The following SACS variants were observed in gnomAD, a reference collection of about 807,000 sequenced individuals.
The protein encoded by SACS is sacsin.
SACS carries 197 observed loss-of-function variants against 348.0 expected under a neutral mutation model. The observed-to-expected ratio is 0.57, with a 90% CI of 0.50 to 0.64. The LOEUF (loss-of-function observed/expected upper bound fraction) is 0.64. Among genes scored for constraint, SACS ranks in the 30% least tolerant of loss-of-function variants. The pLI, the probability that SACS is intolerant of heterozygous loss-of-function variation, is 0.00. For synonymous variants in SACS, 1,985 were observed against 1,910.6 expected, an observed-to-expected ratio of 1.04 and a Z score of -1.02; for missense variants, 4,999 against 5,360.8, an observed-to-expected ratio of 0.93 and a Z score of 2.11.
chr13:23,397,039 G>A (rs1872736301), intron 2 of SACS, among the ~76,000 whole-genome samples: 1 of 152,040 alleles, frequency 6.6e-6, no homozygotes, highest in Admixed American at 6.6e-5. Context: ...CTATAAGACA[G>A]CATAATCCTA....
Position 23,337,255 on chromosome 13 carries a change from A to T in SACS, c.6621T>A (p.Ala2207=). Residue 2207 remains alanine, a synonymous_variant, in exon 10 of 10, where the codon GCT becomes GCA. Transcript: ENST00000382292. ...GGAAGCGGATTGTTTGATATTTTGC[A>T]GCAAAATCCTTTGCTCTAGGATCCC... ...KIRDPRAKDF[A]AKYQTIRFLP... is the part of the protein sequence containing the mutation. 6.2e-7 allele frequency: 1 copy of T among 1,613,974 alleles called. No individual in the cohort carries two copies. The highest frequency in any genetic ancestry group is 8.5e-7 in the Non-Finnish European group (1 of 1,179,932).
chr13:23,338,322 GA>G lies in SACS; in HGVS notation c.5553del (p.Gln1852SerfsTer12). ...LGLVPCGAVG[V>X]QLSEIQDQKW... Reference sequence around the variant, plus strand: ...TTCTGGTCCTGGATTTCTGACAGCTGAACTCCTACTGCCCCACATGGAACCA... The same window carrying G: ...TTCTGGTCCTGGATTTCTGACAGCTGACTCCTACTGCCCCACATGGAACCA... On this transcript the variant is annotated frameshift_variant, in exon 10 of 10. Coordinates refer to ENST00000382292, the MANE Select transcript of SACS (RefSeq NM_014363.6). LOFTEE classifies it high-confidence loss of function. 1 of 1,614,112 alleles carries G rather than the reference GA, an allele frequency of 6.2e-7. No individual in the cohort carries two copies. Among genetic ancestry groups the G allele is most frequent in the African/African-American group, 1.3e-5 (1 of 75,036 alleles).
intron 6 of SACS, among the ~76,000 whole-genome samples, chr13:23,361,230 C>T (rs1870717647): frequency 6.6e-6 from 1 of 152,192 alleles, no homozygotes; most frequent in Non-Finnish European, 1.5e-5. Context: ...ATACAGACAG[C>T]CCTCCTCAGT....
chr13:23,336,590 C>T lies in SACS; in HGVS notation c.7286G>A (p.Ser2429Asn). Residue 2429 changes from serine (S) to asparagine (N), a missense_variant, in exon 10 of 10, where the codon AGT becomes AAT. This residue lies in a region of SACS where 3,156 missense variants were observed against 3,380.1 expected (regional missense o/e 0.93). Transcript: ENST00000382292. The part of the protein sequence containing the change: ...ENFQLCRRII[S>N]EGIWSLIREK... ...TCTAATGAGACTCCATATTCCTTCA[C>T]TGATTATTCGTCGGCAAAGCTGAAA... is the stretch of plus-strand genomic sequence containing the variant. 1 of 1,613,678 alleles carries T rather than the reference C, an allele frequency of 6.2e-7. No homozygotes were observed. The highest frequency in any genetic ancestry group is 1.1e-5 in the South Asian group (1 of 91,058).
At chr13:23,431,850 T>C (rs1427000341) in intron 1 of SACS, among the ~76,000 whole-genome samples, 1 of 152,238 alleles carries the variant, frequency 6.6e-6, no homozygotes, top group Non-Finnish European at 1.5e-5. Flanking sequence ...AAAGTTCATT[T>C]CAAAATTTAT....
In SACS at chr13:23,336,803, T is replaced by A; in HGVS notation, c.7073A>T (p.Lys2358Met). Residue 2358 changes from lysine (K) to methionine (M), a missense_variant, in exon 10 of 10, where the codon AAG becomes ATG. Coordinates refer to ENST00000382292, the MANE Select transcript of SACS (RefSeq NM_014363.6). Reference sequence around the variant, plus strand: ...CTCAAAATTTAAATGAAAAGAAACCTTTTCTGAGTCAACATATGCATTCTC... The same window carrying A: ...CTCAAAATTTAAATGAAAAGAAACCATTTCTGAGTCAACATATGCATTCTC... ...LVENAYVDSE[K>M]VSFHLNFEAA... 1.2e-6 allele frequency: 2 copies of A among 1,613,810 alleles called. No homozygotes were observed. The highest frequency in any genetic ancestry group is 2.7e-5 in the African/African-American group (2 of 75,010).
rs1290550606 is a variant in SACS at position 23,394,151 on chromosome 13, CCT to C, written c.20+17067_20+17068del. Among the ~76,000 whole-genome samples, 11 of 152,222 alleles carry C rather than the reference CCT, an allele frequency of 7.2e-5. No homozygotes were observed. The East Asian group carries it at 2.1e-3, about 29-fold the overall frequency. The stretch of plus-strand genomic sequence containing the variant: ...ATGGGCTGGAACTTTCAGCCTCACC[CCT>C]GATCTCCAGGGAGAGGTGAGGTGCT... On this transcript the variant is annotated intron_variant, in intron 2 of 9. Transcript: ENST00000382292.
At chr13:23,350,450 A>AG (rs1450022566) in intron 9 of SACS, among the ~76,000 whole-genome samples, 1 of 152,262 alleles carries the variant, frequency 6.6e-6, no homozygotes, top group African/African-American at 2.4e-5. Context: ...TACAAGCAGT[A>AG]GCTCAATATT....
At chr13:23,388,701 G>C (rs1872407103) in intron 2 of SACS, among the ~76,000 whole-genome samples, 1 of 146,558 alleles carries the variant, frequency 6.8e-6, no homozygotes. Context: ...AGCATACAGA[G>C]TGGTACAGTG....
chr13:23,393,784 G>A (rs986114018), intron 2 of SACS, among the ~76,000 whole-genome samples: 4 of 150,986 alleles, frequency 2.6e-5, no homozygotes, highest in Non-Finnish European at 5.9e-5. Context: ...TTTTTGAGAC[G>A]GAGTCTCGCA....
At chr13:23,393,502 G>A (rs770708036) in intron 2 of SACS, among the ~76,000 whole-genome samples, 9 of 151,978 alleles carry the variant, frequency 5.9e-5, no homozygotes, top group African/African-American at 9.7e-5. Context: ...CCACCTGCTC[G>A]TCCCTGGCTG....
At chr13:23,412,472 G>T (rs1446354064) in intron 1 of SACS, among the ~76,000 whole-genome samples, 1 of 145,878 alleles carries the variant, frequency 6.9e-6, no homozygotes, top group African/African-American at 2.5e-5. Flanking sequence ...GGAGTGAAGT[G>T]GCATGATCTT....
At position 23,329,477 on chromosome 13, in the gene SACS, C is replaced by CAGGA. The variant is rs1566053030; in HGVS notation, c.*655_*658dup. 3.9e-6 allele frequency: 3 copies of CAGGA among 767,850 alleles called. No homozygotes were observed. Among genetic ancestry groups the CAGGA allele is most frequent in the Non-Finnish European group, 7.2e-6 (3 of 414,030 alleles). The allele number at this position is 767,850 out of a possible 1,614,324, so 47.6% of individuals were successfully genotyped here. ...GTTTTCCGTTGCTATCTTCATCAAA[C>CAGGA]AGGAAGCCTGTAAACATAAGATGTT... On this transcript the variant is annotated 3_prime_UTR_variant, in exon 10 of 10. Coordinates refer to ENST00000382292, the MANE Select transcript of SACS (RefSeq NM_014363.6).
intron 6 of SACS, among the ~76,000 whole-genome samples, chr13:23,361,264 A>G (rs942355026): frequency 6.6e-6 from 1 of 152,224 alleles, no homozygotes; most frequent in Admixed American, 6.5e-5. Flanking sequence ...AGTCGGGGGC[A>G]GGAAGAATCT....
rs751626159 is a variant in SACS at position 23,337,271 on chromosome 13, C to T, written c.6605G>A (p.Arg2202Lys). 28 of 1,613,576 alleles carry T rather than the reference C, an allele frequency of 1.7e-5. No individual in the cohort carries two copies. The South Asian group carries it at 3.0e-4, about 17-fold the overall frequency. The change falls in exon 10 of 10, where the codon AGA (arginine) becomes AAA (lysine). Residue 2202 changes from arginine (R) to lysine (K), a missense_variant. Physicochemically the swap from Arg to Lys is conservative, Grantham distance 26. Transcript: ENST00000382292. Reference sequence around the variant, plus strand: ...ATATTTTGCAGCAAAATCCTTTGCTCTAGGATCCCTTATTTTTAGTTTCTC... The same window carrying T: ...ATATTTTGCAGCAAAATCCTTTGCTTTAGGATCCCTTATTTTTAGTTTCTC... The part of the protein sequence containing the change: ...IDEKLKIRDP[R>K]AKDFAAKYQT...
At chr13:23,415,811 A>G (rs1011313406) in intron 1 of SACS, among the ~76,000 whole-genome samples, 1 of 152,212 alleles carries the variant, frequency 6.6e-6, no homozygotes, top group Admixed American at 6.6e-5. Flanking sequence ...AAATGAATAC[A>G]AAATGACTCA....
At chr13:23,394,995 C>A (rs984411064) in intron 2 of SACS, among the ~76,000 whole-genome samples, 2 of 152,184 alleles carry the variant, frequency 1.3e-5, no homozygotes, top group African/African-American at 2.4e-5. Flanking sequence ...TTCATGAGTC[C>A]AACTCCTAAG....
chr13:23,385,745 C>A (rs569043539), intron 2 of SACS, among the ~76,000 whole-genome samples: 2 of 152,190 alleles, frequency 1.3e-5, no homozygotes, highest in Non-Finnish European at 2.9e-5. Context: ...TCAGAGGAAT[C>A]ACTATCTATG....
In SACS at chr13:23,333,725, A is replaced by C; in HGVS notation, c.10151T>G (p.Phe3384Cys). 6.2e-7 allele frequency: 1 copy of C among 1,613,816 alleles called. No homozygotes were observed. The highest frequency in any genetic ancestry group is 8.5e-7 in the Non-Finnish European group (1 of 1,179,788). ...FRAEKLVENDFEALLMYFNCN... is the reference protein window; with the variant it reads ...FRAEKLVENDCEALLMYFNCN... Reference sequence around the variant, plus strand: ...GTTGAAATACATCAAAAGTGCCTCAAAATCATTTTCTACTAATTTTTCTGC... The same window carrying C: ...GTTGAAATACATCAAAAGTGCCTCACAATCATTTTCTACTAATTTTTCTGC... Residue 3384 changes from phenylalanine to cysteine, a missense_variant, in exon 10 of 10, where the codon TTT (phenylalanine) becomes TGT (cysteine). Transcript: ENST00000382292.
Sources: gnomAD v4.1 joint callset for allele counts (sites outside exome capture counted in the v4.1 genomes callset) on GRCh38, gnomAD v4.1.1 for gene constraint, gnomAD v4.1.1 regional missense constraint, MANE v1.5 for transcripts, NCBI Gene and HGNC (gene_info 2026-07-23, HGNC 2026-07-21) for gene names.